Variants in SMIM27 observed in about 807,000 individuals in gnomAD.
SMIM27 encodes the protein TOPORS antisense RNA 1 (non-protein coding).
SMIM27 carries 3 observed loss-of-function variants against 1.8 expected under a neutral mutation model. The ratio of observed to expected loss-of-function variants is 1.65; its 90% confidence interval spans 0.75 to 4.28. The LOEUF (loss-of-function observed/expected upper bound fraction) is 4.28. SMIM27 is among the 30% of genes most tolerant of loss of function. The pLI, the probability that SMIM27 is intolerant of heterozygous loss-of-function variation, is 0.02. For missense variants in SMIM27, 63 were observed against 37.0 expected (o/e 1.70, Z -1.83); for synonymous variants, 19 against 13.9 (o/e 1.37, Z -0.82).
chr9:32,551,655 T>G (rs1821264922), upstream of SMIM27: 1 of 285,476 alleles, frequency 3.5e-6, no homozygotes, highest in Non-Finnish European at 7.6e-6. Flanking sequence ...TCCTCAGGCC[T>G]CAAATGTGAG....
downstream of SMIM27, among the ~76,000 whole-genome samples, chr9:32,557,040 T>C (rs1290955597): frequency 2.7e-5 from 4 of 149,994 alleles, no homozygotes; most frequent in Non-Finnish European, 3.0e-5. Context: ...TTATTAATAG[T>C]AGAGATGGAG....
downstream of SMIM27, chr9:32,553,953 A>G: frequency 1.1e-5 from 17 of 1,557,546 alleles, no homozygotes; most frequent in Non-Finnish European, 1.5e-5. Context: ...CCCTAGGAAA[A>G]CAAAGATACA....
At chr9:32,556,591 G>A (rs567265325), downstream of SMIM27, among the ~76,000 whole-genome samples, 1 of 152,288 alleles carries the variant, frequency 6.6e-6, no homozygotes, top group South Asian at 2.1e-4. Context: ...AAACAAGAAA[G>A]AACCACAGTG....
chr9:32,552,966 A>G lies in SMIM27; in HGVS notation c.*43A>G. 1 of 661,126 alleles carries G rather than the reference A, an allele frequency of 1.5e-6. No homozygotes were observed. Among genetic ancestry groups the G allele is most frequent in the Non-Finnish European group, 2.7e-6 (1 of 366,192 alleles). The allele number at this position is 661,126 out of a possible 1,614,324, so 41.0% of individuals were successfully genotyped here. A position where few individuals can be genotyped will look rare whatever the true frequency, so the allele number is the denominator to read the frequency against. On this transcript the variant is annotated 3_prime_UTR_variant, in exon 2 of 2. Coordinates refer to ENST00000692500, the MANE Select transcript of SMIM27 (RefSeq NM_001387564.1). Reference sequence around the variant, plus strand: ...ATCTGAAAATACAGTTCTTTCCCTCATGCTTATGTAGATATAAAAATAAAA... The same window carrying G: ...ATCTGAAAATACAGTTCTTTCCCTCGTGCTTATGTAGATATAAAAATAAAA...
exon 2 of SMIM27, chr9:32,566,636 G>A: frequency 3.8e-6 from 3 of 793,730 alleles, no homozygotes; most frequent in Non-Finnish European, 6.9e-6. Flanking sequence ...CCACCATGGA[G>A]GAGCAGGAGC....
At chr9:32,554,003 T>C (rs1821382748), downstream of SMIM27, 1 of 1,070,536 alleles carries the variant, frequency 9.3e-7, no homozygotes, top group Non-Finnish European at 1.4e-6. Context: ...GTGATAGTTC[T>C]ATTCTGTTCT....
intron 1 of SMIM27, among the ~76,000 whole-genome samples, chr9:32,561,047 TAATGA>T (rs1436803146): frequency 6.6e-6 from 1 of 152,204 alleles, no homozygotes; most frequent in Non-Finnish European, 1.5e-5. Flanking sequence ...AACAGATGTA[TAATGA>T]AATGAAGTAG....
At chr9:32,558,915 A>G (rs1158349530) in intron 1 of SMIM27, 5 of 1,578,802 alleles carry the variant, frequency 3.2e-6, no homozygotes, top group African/African-American at 1.3e-5. Context: ...CTTACAGGGA[A>G]TATTCTGGAC....
chr9:32,560,305 AC>A (rs1821589757), intron 1 of SMIM27, among the ~76,000 whole-genome samples: 1 of 152,230 alleles, frequency 6.6e-6, no homozygotes, highest in Non-Finnish European at 1.5e-5. Flanking sequence ...GGAAGTGTGA[AC>A]CCTCAGATAA....
rs768763994 is a variant in SMIM27 at position 32,552,382 on chromosome 9, T to C, written c.-53T>C. 1.0e-5 allele frequency: 16 copies of C among 1,604,460 alleles called. No individual in the cohort carries two copies. The highest frequency in any genetic ancestry group is 9.4e-5 in the African/African-American group (7 of 74,794). On this transcript the variant is annotated 5_prime_UTR_variant, in exon 1 of 2. Transcript: ENST00000692500. The stretch of plus-strand genomic sequence containing the variant: ...TGGCAGCCACCGCCTGGGAGGTTAC[T>C]GTAAGGCCCGCAGCTCCCGCCAGCT...
At chr9:32,566,268 T>A (rs1192283581) in intron 1 of SMIM27, 1 of 1,130,920 alleles carries the variant, frequency 8.8e-7, no homozygotes, top group African/African-American at 1.5e-5. Context: ...TAATTTTAGG[T>A]TCTCTGAGGT....
At chr9:32,557,394 C>G (rs1307272529), downstream of SMIM27, among the ~76,000 whole-genome samples, 1 of 147,958 alleles carries the variant, frequency 6.8e-6, no homozygotes, top group African/African-American at 2.5e-5. Flanking sequence ...GTCTCGAACC[C>G]CTAGCCTCAA....
intron 1 of SMIM27, chr9:32,566,370 T>G: frequency 8.7e-7 from 1 of 1,147,776 alleles, no homozygotes; most frequent in Non-Finnish European, 1.3e-6. Context: ...GGTGCGTTTT[T>G]GTTTCCACTA....
intron 1 of SMIM27, chr9:32,565,439 G>A (rs758508714): frequency 2.0e-5 from 3 of 152,226 alleles, no homozygotes; most frequent in Middle Eastern, 3.2e-3. Context: ...CATGGAAATG[G>A]AGAGCCAGCA....
At chr9:32,564,444 T>C (rs1393350392) in intron 1 of SMIM27, among the ~76,000 whole-genome samples, 1 of 152,188 alleles carries the variant, frequency 6.6e-6, no homozygotes, top group Non-Finnish European at 1.5e-5. Context: ...GCCATTTTTC[T>C]TTTTTCTGAA....
chr9:32,554,349 T>C (rs1318496735), downstream of SMIM27, among the ~76,000 whole-genome samples: 3 of 152,230 alleles, frequency 2.0e-5, no homozygotes, highest in African/African-American at 2.4e-5. Flanking sequence ...AGTTTTCTGA[T>C]TGGCTTACAT....
At chr9:32,566,352 G>A (rs546525020) in intron 1 of SMIM27, 113 of 1,178,800 alleles carry the variant, frequency 9.6e-5, no homozygotes, top group Admixed American at 3.9e-4. Flanking sequence ...CACCAGTGTA[G>A]GAATGATGGT....
rs1227131197 is a variant in SMIM27 at position 32,564,944 on chromosome 9, AT to A, written c.46-1446del. Among the ~76,000 whole-genome samples, 13 of 152,300 alleles carry A rather than the reference AT, an allele frequency of 8.5e-5. No individual in the cohort carries two copies. The South Asian group carries it at 2.7e-3, about 32-fold the overall frequency. On this transcript the variant is annotated intron_variant, in intron 1 of 1. Coordinates refer to the SMIM27 transcript ENST00000451672. The stretch of plus-strand genomic sequence containing the variant: ...CGGCAGTTTCATGTGGTTCGACATA[AT>A]AGCTATGGCCCTATTCATAGACATT...
chr9:32,566,273 T>C, intron 1 of SMIM27: 1 of 1,145,104 alleles, frequency 8.7e-7, no homozygotes, highest in Admixed American at 1.7e-5. Context: ...TTAGGTTCTC[T>C]GAGGTAGAAA....
Sources: gnomAD v4.1 joint callset for allele counts (sites outside exome capture counted in the v4.1 genomes callset) on GRCh38, gnomAD v4.1.1 for gene constraint, MANE v1.5 for transcripts, NCBI Gene and HGNC (gene_info 2026-07-23, HGNC 2026-07-21) for gene names.